Variants in PUDP observed in about 807,000 individuals in gnomAD.
PUDP encodes the protein pseudouridine-5'-phosphatase.
Under a neutral mutation model 9.4 loss-of-function variants are expected in PUDP, and 8 were observed. The ratio of observed to expected loss-of-function variants is 0.85; its 90% CI spans 0.50 to 1.53. The LOEUF is 1.53. Ranked by LOEUF, PUDP falls within the 40% of genes most tolerant of loss-of-function variation. The probability of loss-of-function intolerance (pLI) is 0.00; values close to 1 mark genes in which losing one functional copy is unlikely to be tolerated. For synonymous variants in PUDP, 99 were observed against 80.7 expected (o/e 1.23, Z -1.22); for missense variants, 188 against 189.7 (o/e 0.99, Z 0.05).
At chrX:6,860,266 G>A (rs1174950748) in intron 3 of PUDP, among the ~76,000 whole-genome samples, 2 of 110,411 alleles carry the variant, frequency 1.8e-5, no homozygotes, top group Admixed American at 9.7e-5. Flanking sequence ...ACAGGTGTGA[G>A]CCATTGTGCT....
chrX:7,125,738 C>T (rs973365955), intron 1 of PUDP, among the ~76,000 whole-genome samples: 4 of 111,899 alleles, frequency 3.6e-5, no homozygotes, highest in Admixed American at 9.5e-5. Context: ...AGATGAAAGG[C>T]ACATCTCACT....
intron 1 of PUDP, among the ~76,000 whole-genome samples, chrX:7,041,052 G>A (rs1432934117): frequency 2.7e-4 from 30 of 111,843 alleles, no homozygotes; most frequent in African/African-American, 9.5e-4. Context: ...AGCTACAAAT[G>A]AGAAGGAAGC....
intron 3 of PUDP, among the ~76,000 whole-genome samples, chrX:6,902,842 G>C (rs753668558): frequency 4.5e-5 from 5 of 111,703 alleles, no homozygotes; most frequent in Non-Finnish European, 9.4e-5. Flanking sequence ...TGCCATGTAG[G>C]GAGTGTCTGC....
chrX:6,792,875 G>A (rs1405187755), intron 3 of PUDP, among the ~76,000 whole-genome samples: 1 of 112,704 alleles, frequency 8.9e-6, no homozygotes, highest in East Asian at 2.8e-4. Flanking sequence ...TTATACACAC[G>A]GATGTGAAAA....
chrX:7,023,343 GA>G (rs1196105771), intron 1 of PUDP, among the ~76,000 whole-genome samples: 2 of 111,887 alleles, frequency 1.8e-5, no homozygotes, highest in African/African-American at 6.5e-5. Context: ...AAAGAAGCAG[GA>G]AAAAATGATA....
intron 1 of PUDP, among the ~76,000 whole-genome samples, chrX:6,983,453 A>AATATTGGT (rs1407648131): frequency 9.0e-6 from 1 of 111,537 alleles, no homozygotes; most frequent in African/African-American, 3.3e-5. Flanking sequence ...AAAATCTCAA[A>AATATTGGT]ATATTGGTCT....
rs768407602 is a variant in PUDP at position 6,918,719 on chromosome X, G to A, written c.*247+58414C>T. 4.5e-5 allele frequency among the ~76,000 whole-genome samples: 5 copies of A among 111,807 alleles called. No individual in the cohort carries two copies. In the South Asian group the frequency reaches 1.5e-3, roughly 34 times the overall value. ...TTCACTGTAACCTCACGTAGTGGAAGTGGGATCTCTTTGAGATCTCTTTCA... is the reference window on the plus strand; with the variant it reads ...TTCACTGTAACCTCACGTAGTGGAAATGGGATCTCTTTGAGATCTCTTTCA... On this transcript the variant is annotated intron_variant and NMD_transcript_variant, in intron 3 of 3. Transcript: ENST00000655425.
chrX:6,720,258 G>GTGTATATA (rs1555907522), intron 1 of PUDP, among the ~76,000 whole-genome samples: 100 of 48,800 alleles, frequency 2.0e-3, no homozygotes, highest in African/African-American at 6.1e-3. Flanking sequence ...GTGTGTGTGT[G>GTGTATATA]TATATATATA....
At chrX:7,125,934 T>C (rs1932475027) in intron 1 of PUDP, among the ~76,000 whole-genome samples, 1 of 110,575 alleles carries the variant, frequency 9.0e-6, no homozygotes. Context: ...CAAGATGAGA[T>C]TTGGGTGGGG....
intron 1 of PUDP, among the ~76,000 whole-genome samples, chrX:7,138,071 C>A (rs758670982): frequency 3.3e-4 from 37 of 112,246 alleles, no homozygotes; most frequent in Admixed American, 2.5e-3. Context: ...CAGCATTATT[C>A]TTGCCAGAGG....
intron 3 of PUDP, among the ~76,000 whole-genome samples, chrX:7,068,402 T>C (rs1375580477): frequency 3.6e-5 from 4 of 111,960 alleles, no homozygotes; most frequent in East Asian, 5.7e-4. Context: ...TCTGTGTCTA[T>C]TGGCTTCTGC....
chrX:6,978,794 T>C (rs1314940097), intron 1 of PUDP, among the ~76,000 whole-genome samples: 3 of 112,188 alleles, frequency 2.7e-5, no homozygotes, highest in African/African-American at 9.7e-5. Context: ...CAGCAGAAAG[T>C]GTGAATTGTA....
At chrX:7,133,982 C>T (rs1352379308) in intron 1 of PUDP, among the ~76,000 whole-genome samples, 1 of 111,464 alleles carries the variant, frequency 9.0e-6, no homozygotes, top group African/African-American at 3.3e-5. Flanking sequence ...GCAATGGGGC[C>T]GTAGGTCAGA....
chrX:6,895,362 T>G (rs769690161), intron 3 of PUDP, among the ~76,000 whole-genome samples: 65 of 101,456 alleles, frequency 6.4e-4, no homozygotes, highest in African/African-American at 2.1e-3. Context: ...TCTAATATTT[T>G]TAGTACTATT....
intron 2 of PUDP, among the ~76,000 whole-genome samples, chrX:7,097,896 A>G (rs771258321): frequency 2.0e-4 from 22 of 112,299 alleles, no homozygotes; most frequent in Non-Finnish European, 3.9e-4. Flanking sequence ...AGTCAGCCTG[A>G]GGAGGAAGGC....
intron 3 of PUDP, among the ~76,000 whole-genome samples, chrX:6,885,988 C>T (rs1927416192): frequency 9.0e-6 from 1 of 111,730 alleles, no homozygotes; most frequent in African/African-American, 3.3e-5. Flanking sequence ...TTCTGCTGTA[C>T]AAACATTTCT....
chrX:7,018,236 C>T (rs1282943099), intron 1 of PUDP, among the ~76,000 whole-genome samples: 2 of 111,693 alleles, frequency 1.8e-5, no homozygotes, highest in African/African-American at 6.5e-5. Context: ...TTTATGGACT[C>T]GACCTGAATT....
In PUDP at chrX:6,878,983, T is replaced by A. The variant is rs773551455; in HGVS notation, c.*247+98150A>T. ...CCTCCTCTCTTGTCAGGACACCTCA[T>A]GAAGCAGTAAAAAATGGTATGAGGA... On this transcript the variant is annotated intron_variant and NMD_transcript_variant, in intron 3 of 3. Transcript: ENST00000655425. 2.0e-3 allele frequency among the ~76,000 whole-genome samples: 221 copies of A among 112,018 alleles called. 1 individual carries two copies. The highest frequency in any genetic ancestry group is 3.5e-3 in the Non-Finnish European group (186 of 53,206).
intron 2 of PUDP, among the ~76,000 whole-genome samples, chrX:7,103,311 AT>A (rs1398202785): frequency 1.8e-5 from 2 of 112,370 alleles, no homozygotes; most frequent in African/African-American, 6.5e-5. Flanking sequence ...TGGGGAAAAG[AT>A]AAGTCTCTTC....
Sources: allele counts gnomAD v4.1 joint callset (sites outside exome capture counted in the v4.1 genomes callset), GRCh38; gene constraint gnomAD v4.1.1; transcripts MANE v1.5; gene names NCBI Gene and HGNC (gene_info 2026-07-23, HGNC 2026-07-21).